The following SH3BGRL variants were observed in gnomAD, a reference collection of about 807,000 sequenced individuals.
SH3BGRL encodes the protein SH3 domain binding glutamate rich protein like.
A neutral mutation model predicts 9.8 loss-of-function variants in SH3BGRL; 7 were observed. The observed-to-expected ratio is 0.72, with a 90% CI of 0.41 to 1.35. The LOEUF (loss-of-function observed/expected upper bound fraction) is 1.35, where lower values mean the gene tolerates loss of function less well. SH3BGRL is among the 40% of genes most tolerant of loss of function. The pLI is 0.01. For missense variants in SH3BGRL, 73 were observed against 84.4 expected (o/e 0.86, Z 0.53); for synonymous variants, 36 against 29.1 (o/e 1.24, Z -0.76).
intron 1 of SH3BGRL, among the ~76,000 whole-genome samples, chrX:81,224,183 T>C: frequency 8.9e-6 from 1 of 112,114 alleles, no homozygotes. Flanking sequence ...AGAAGAAATA[T>C]CACTGTTTTA....
intron 1 of SH3BGRL, among the ~76,000 whole-genome samples, chrX:81,271,835 T>C (rs142173437): frequency 4.5e-5 from 5 of 110,760 alleles, no homozygotes; most frequent in African/African-American, 1.6e-4. Flanking sequence ...TTTGGAAATA[T>C]TGCAAACAGA....
chrX:81,284,163 T>C (rs1323353449), intron 3 of SH3BGRL, among the ~76,000 whole-genome samples: 1 of 110,388 alleles, frequency 9.1e-6, no homozygotes, highest in Non-Finnish European at 1.9e-5. Context: ...AAAGAAATCA[T>C]AGATAACACA....
chrX:81,218,484 G>A (rs1293873805), intron 1 of SH3BGRL, among the ~76,000 whole-genome samples: 1 of 108,779 alleles, frequency 9.2e-6, no homozygotes, highest in Non-Finnish European at 1.9e-5. Flanking sequence ...GACTTTATCT[G>A]TCCTTCATTT....
intron 1 of SH3BGRL, among the ~76,000 whole-genome samples, chrX:81,276,097 G>T (rs1224115608): frequency 9.0e-6 from 1 of 110,990 alleles, no homozygotes; most frequent in East Asian, 2.9e-4. Flanking sequence ...ACTCAGAAAT[G>T]TTAAGTTATG....
At chrX:81,218,367 T>C (rs1019549648) in intron 1 of SH3BGRL, among the ~76,000 whole-genome samples, 1 of 110,357 alleles carries the variant, frequency 9.1e-6, no homozygotes, top group Non-Finnish European at 1.9e-5. Context: ...AGGTTCTATT[T>C]TGGTGTATTT....
intron 1 of SH3BGRL, among the ~76,000 whole-genome samples, chrX:81,251,159 G>A (rs1314117750): frequency 6.3e-5 from 7 of 111,818 alleles, no homozygotes; most frequent in African/African-American, 1.6e-4. Context: ...GTATTTTAAT[G>A]GATTTTATGC....
intron 1 of SH3BGRL, among the ~76,000 whole-genome samples, chrX:81,238,399 C>A (rs1391900570): frequency 2.7e-5 from 3 of 112,490 alleles, no homozygotes; most frequent in Non-Finnish European, 5.6e-5. Context: ...CGGGGTGAGG[C>A]ACCTCTGCCT....
intron 3 of SH3BGRL, among the ~76,000 whole-genome samples, chrX:81,292,869 A>G (rs1180134121): frequency 2.7e-5 from 3 of 111,736 alleles, no homozygotes; most frequent in Middle Eastern, 4.6e-3. Flanking sequence ...AAAAAGAACA[A>G]TTGTCTTGGG....
chrX:81,286,081 T>C lies in SH3BGRL; in HGVS notation c.312+7670T>C, dbSNP rs906633820. Among the ~76,000 whole-genome samples the C allele has an allele frequency of 2.7e-5, 3 of 111,821 alleles. No homozygotes were observed. In the East Asian group the frequency reaches 8.4e-4, roughly 31 times the overall value. On this transcript the variant is annotated intron_variant, in intron 3 of 3. Transcript: ENST00000373212. ...TTGTATTCTTTTTTATATTGGATTG[T>C]TTAAAACAAGGTATGTATTTGTCTA...
chrX:81,280,125 C>A (rs1181403983), intron 3 of SH3BGRL, among the ~76,000 whole-genome samples: 2 of 110,559 alleles, frequency 1.8e-5, no homozygotes, highest in Non-Finnish European at 3.8e-5. Context: ...TATAGAACTC[C>A]AGTGACCTGG....
intron 1 of SH3BGRL, among the ~76,000 whole-genome samples, chrX:81,238,522 G>A (rs796928915): frequency 9.9e-5 from 11 of 111,674 alleles, no homozygotes; most frequent in African/African-American, 2.9e-4. Flanking sequence ...TTCTATTATC[G>A]GCCTCCTGCA....
At chrX:81,237,435 A>T (rs1198542405) in intron 1 of SH3BGRL, among the ~76,000 whole-genome samples, 1 of 111,516 alleles carries the variant, frequency 9.0e-6, no homozygotes, top group Admixed American at 9.5e-5. Flanking sequence ...TTGCTGGGGG[A>T]GGGAGAACTC....
At chrX:81,223,484 G>T (rs1279747080) in intron 1 of SH3BGRL, among the ~76,000 whole-genome samples, 1 of 110,549 alleles carries the variant, frequency 9.0e-6, no homozygotes, top group Non-Finnish European at 1.9e-5. Flanking sequence ...TAGAGAACAA[G>T]GCCTTAATTC....
chrX:81,222,577 A>G (rs368450639), intron 1 of SH3BGRL, among the ~76,000 whole-genome samples: 15 of 110,671 alleles, frequency 1.4e-4, no homozygotes, highest in South Asian at 7.8e-4. Flanking sequence ...TATCATTGTT[A>G]GACATTTGGG....
At chrX:81,262,182 C>T (rs1335277033) in intron 1 of SH3BGRL, among the ~76,000 whole-genome samples, 1 of 111,112 alleles carries the variant, frequency 9.0e-6, no homozygotes, top group Non-Finnish European at 1.9e-5. Context: ...TTTATAAAAG[C>T]ACCTTGACTA....
rs2075717877 is a variant in SH3BGRL at position 81,253,861 on chromosome X, A to C, written c.46-23123A>C. Among the ~76,000 whole-genome samples, 3 of 111,936 alleles carry C rather than the reference A, an allele frequency of 2.7e-5. No homozygotes were observed. The Admixed American group carries it at 2.8e-4, about 11-fold the overall frequency. ...CTTGAAAGATATAGTGTCTCCCTTC[A>C]GAGCAAAGGGTAGATTTGCTTACTG... On this transcript the variant is annotated intron_variant, in intron 1 of 3. Coordinates refer to ENST00000373212, the MANE Select transcript of SH3BGRL (RefSeq NM_003022.3).
Position 81,204,138 on chromosome X carries a change from A to G in SH3BGRL, c.45+1893A>G, listed in dbSNP as rs773876242. Among the ~76,000 whole-genome samples, 9 of 111,974 alleles carry G rather than the reference A, an allele frequency of 8.0e-5. No homozygotes were observed. In the East Asian group the frequency reaches 2.0e-3, roughly 25 times the overall value. On this transcript the variant is annotated intron_variant, in intron 1 of 3. Coordinates refer to ENST00000373212, the MANE Select transcript of SH3BGRL (RefSeq NM_003022.3). Reference sequence around the variant, plus strand: ...AATGGCAGATGTTTATGGTATTTGTATTTTATTTCAATTTTTTGTCATGAG... The same window carrying G: ...AATGGCAGATGTTTATGGTATTTGTGTTTTATTTCAATTTTTTGTCATGAG...
chrX:81,293,307 A>G (rs1179301942), intron 3 of SH3BGRL, among the ~76,000 whole-genome samples: 3 of 111,455 alleles, frequency 2.7e-5, no homozygotes, highest in African/African-American at 9.8e-5. Context: ...AGCCTCGGGT[A>G]TGCCTTTGTC....
At chrX:81,290,230 A>G (rs191205531) in intron 3 of SH3BGRL, among the ~76,000 whole-genome samples, 6 of 112,168 alleles carry the variant, frequency 5.3e-5, no homozygotes, top group Non-Finnish European at 9.4e-5. Context: ...TGCTGGGTAT[A>G]TACACTAAAA....
Sources: allele counts gnomAD v4.1 joint callset (sites outside exome capture counted in the v4.1 genomes callset), GRCh38; gene constraint gnomAD v4.1.1; transcripts MANE v1.5; gene names NCBI Gene and HGNC (gene_info 2026-07-23, HGNC 2026-07-21).